The following LRRC4C variants were observed in gnomAD, a reference collection of about 807,000 sequenced individuals.
LRRC4C encodes the protein leucine-rich repeat-containing protein 4C.
LRRC4C carries 5 observed loss-of-function variants against 33.6 expected under a neutral mutation model. That is an observed-to-expected ratio of 0.15 (90% CI 0.08 to 0.31). The LOEUF is 0.31. Among genes scored for constraint, LRRC4C ranks in the 10% least tolerant of loss-of-function variants. LRRC4C has a pLI of 1.00. For missense variants in LRRC4C, 560 were observed against 796.7 expected, an observed-to-expected ratio of 0.70 and a Z score of 3.58; for synonymous variants, 329 against 302.0, an observed-to-expected ratio of 1.09 and a Z score of -0.93.
At chr11:40,414,200 T>A (rs1002122821) in intron 3 of LRRC4C, among the ~76,000 whole-genome samples, 1 of 152,130 alleles carries the variant, frequency 6.6e-6, no homozygotes, top group Non-Finnish European at 1.5e-5. Context: ...TGGCTTCCTT[T>A]AAAATCGTGT....
intron 3 of LRRC4C, among the ~76,000 whole-genome samples, chr11:40,490,920 T>G (rs1171649274): frequency 6.6e-6 from 1 of 152,124 alleles, no homozygotes; most frequent in Non-Finnish European, 1.5e-5. Flanking sequence ...GTGACTGTAC[T>G]GCTTGTCTAA....
chr11:40,796,013 G>GATC (rs1950810223), intron 2 of LRRC4C, among the ~76,000 whole-genome samples: 1 of 152,088 alleles, frequency 6.6e-6, no homozygotes, highest in African/African-American at 2.4e-5. Flanking sequence ...AGTTTACTCT[G>GATC]ATCATAGAAT....
At chr11:41,156,757 G>A (rs1243752050) in intron 1 of LRRC4C, among the ~76,000 whole-genome samples, 1 of 152,030 alleles carries the variant, frequency 6.6e-6, no homozygotes, top group African/African-American at 2.4e-5. Context: ...TAACTGAGGT[G>A]AGCCTTACTG....
intron 2 of LRRC4C, among the ~76,000 whole-genome samples, chr11:40,883,679 C>CT (rs886276976): frequency 2.0e-5 from 3 of 151,822 alleles, no homozygotes; most frequent in Non-Finnish European, 2.9e-5. Flanking sequence ...ATAAGTCATG[C>CT]TTTTTTTCTT....
chr11:40,128,418 T>C (rs746877467), intron 6 of LRRC4C, among the ~76,000 whole-genome samples: 10 of 152,360 alleles, frequency 6.6e-5, no homozygotes, highest in Admixed American at 1.3e-4. Context: ...CTAGATTATA[T>C]GTTATCTTCA....
chr11:40,469,152 G>T (rs1166940463), intron 3 of LRRC4C, among the ~76,000 whole-genome samples: 1 of 152,170 alleles, frequency 6.6e-6, no homozygotes, highest in Admixed American at 6.5e-5. Context: ...CAGAAGGTGG[G>T]TGATTTCTGC....
intron 3 of LRRC4C, among the ~76,000 whole-genome samples, chr11:40,597,005 A>G (rs377389392): frequency 1.3e-5 from 2 of 152,198 alleles, no homozygotes; most frequent in East Asian, 3.8e-4. Context: ...TAAATGTGAT[A>G]TTTACAAAAC....
intron 3 of LRRC4C, among the ~76,000 whole-genome samples, chr11:40,351,213 G>T (rs1162640472): frequency 6.6e-6 from 1 of 151,262 alleles, no homozygotes; most frequent in East Asian, 1.9e-4. Flanking sequence ...AGTTTCCAAT[G>T]TTTCTCTTGT....
chr11:40,465,801 C>A (rs559028633), intron 3 of LRRC4C, among the ~76,000 whole-genome samples: 3 of 151,770 alleles, frequency 2.0e-5, no homozygotes, highest in Non-Finnish European at 3.0e-5. Flanking sequence ...AGGATGCAAA[C>A]AAAAGGGAAT....
At chr11:41,192,398 TACAC>T (rs148065178) in intron 1 of LRRC4C, among the ~76,000 whole-genome samples, 2,283 of 145,732 alleles carry the variant, frequency 0.016, 39 homozygotes, top group East Asian at 0.074. Flanking sequence ...AAGAAGATCA[TACAC>T]ACACACACAC....
intron 2 of LRRC4C, among the ~76,000 whole-genome samples, chr11:40,686,935 A>G (rs1363291338): frequency 6.6e-6 from 1 of 152,018 alleles, no homozygotes; most frequent in African/African-American, 2.4e-5. Context: ...CAATCATATT[A>G]CCTATTGGTA....
At position 40,755,786 on chromosome 11, in the gene LRRC4C, C is replaced by T. The variant is rs534717318; in HGVS notation, c.-406-107508G>A. ...AACTGGCATGGAAATTTCAGAGTAC[C>T]GTATTTGGCAGCAATAAGGCAAAAT... On this transcript the variant is annotated intron_variant, in intron 2 of 6. Transcript: ENST00000528697. Among the ~76,000 whole-genome samples, 11 of 151,972 alleles carry T rather than the reference C, an allele frequency of 7.2e-5. 1 individual carries two copies. Among genetic ancestry groups the T allele is most frequent in the Admixed American group, 7.2e-4 (11 of 15,232 alleles).
chr11:41,093,014 T>C (rs966561608), intron 1 of LRRC4C, among the ~76,000 whole-genome samples: 9 of 152,226 alleles, frequency 5.9e-5, no homozygotes, highest in Admixed American at 5.9e-4. Flanking sequence ...GAACATAGTG[T>C]ATATCTGAAT....
intron 1 of LRRC4C, among the ~76,000 whole-genome samples, chr11:40,999,883 A>T (rs1401910110): frequency 6.6e-6 from 1 of 152,128 alleles, no homozygotes; most frequent in East Asian, 1.9e-4. Flanking sequence ...TGAAAGATGA[A>T]TAAGAGTTTC....
At chr11:40,130,417 C>G (rs1247825193) in intron 6 of LRRC4C, among the ~76,000 whole-genome samples, 3 of 152,080 alleles carry the variant, frequency 2.0e-5, no homozygotes, top group African/African-American at 7.2e-5. Flanking sequence ...TATTCCTTAT[C>G]TCCACAAGTG....
At chr11:41,170,481 C>T (rs758200020) in intron 1 of LRRC4C, among the ~76,000 whole-genome samples, 1 of 152,080 alleles carries the variant, frequency 6.6e-6, no homozygotes, top group African/African-American at 2.4e-5. Flanking sequence ...CTTTGACAAG[C>T]CTGACAAAAA....
At chr11:41,252,551 G>A (rs1948674130) in intron 1 of LRRC4C, among the ~76,000 whole-genome samples, 1 of 152,092 alleles carries the variant, frequency 6.6e-6, no homozygotes, top group Non-Finnish European at 1.5e-5. Context: ...TCTCGGGCAA[G>A]AATCACAAGT....
intron 3 of LRRC4C, among the ~76,000 whole-genome samples, chr11:40,400,281 C>A (rs913758839): frequency 2.0e-5 from 3 of 152,210 alleles, no homozygotes; most frequent in East Asian, 1.9e-4. Context: ...GGAGAGAGAG[C>A]TCTCCCTTCA....
intron 1 of LRRC4C, among the ~76,000 whole-genome samples, chr11:41,406,220 G>T (rs1295723695): frequency 1.3e-5 from 2 of 152,058 alleles, no homozygotes; most frequent in Admixed American, 1.3e-4. Flanking sequence ...AATAATGTTG[G>T]AGAAATAAGC....
Sources: allele counts gnomAD v4.1 joint callset (sites outside exome capture counted in the v4.1 genomes callset), GRCh38; gene constraint gnomAD v4.1.1; transcripts MANE v1.5; gene names NCBI Gene and HGNC (gene_info 2026-07-23, HGNC 2026-07-21).